Variants in DMRT1 observed in about 807,000 individuals in gnomAD.
The protein encoded by DMRT1 is doublesex- and mab-3-related transcription factor 1.
Under a neutral mutation model 32.3 loss-of-function variants are expected in DMRT1, and 7 were observed. The ratio of observed to expected loss-of-function variants is 0.22; its 90% CI spans 0.12 to 0.41. The LOEUF is 0.41. Among genes scored for constraint, DMRT1 ranks in the 10% least tolerant of loss-of-function variants. DMRT1 has a pLI of 1.00. For missense variants in DMRT1, 625 were observed against 500.5 expected (o/e 1.25, Z -2.37); for synonymous variants, 278 against 206.1 (o/e 1.35, Z -2.99).
At chr9:892,091 C>T (rs954456455) in intron 2 of DMRT1, among the ~76,000 whole-genome samples, 12 of 152,114 alleles carry the variant, frequency 7.9e-5, no homozygotes, top group Non-Finnish European at 1.8e-4. Context: ...TGCATCTGCT[C>T]CTTTCATCAT....
intron 4 of DMRT1, among the ~76,000 whole-genome samples, chr9:944,884 C>A (rs1819192542): frequency 6.6e-6 from 1 of 151,962 alleles, no homozygotes; most frequent in Non-Finnish European, 1.5e-5. Flanking sequence ...TTGGAAAGCA[C>A]ATGACCACCT....
intron 2 of DMRT1, among the ~76,000 whole-genome samples, chr9:856,595 A>G (rs891468067): frequency 6.6e-6 from 1 of 152,212 alleles, no homozygotes; most frequent in Non-Finnish European, 1.5e-5. Flanking sequence ...TATTAGTAAT[A>G]TTTCATCATA....
intron 4 of DMRT1, among the ~76,000 whole-genome samples, chr9:919,241 T>A (rs1393068119): frequency 2.0e-5 from 3 of 152,236 alleles, no homozygotes; most frequent in Admixed American, 6.5e-5. Flanking sequence ...GTAGGTTTAA[T>A]GTCTTCTTTA....
chr9:871,421 G>T (rs1354971131), intron 2 of DMRT1, among the ~76,000 whole-genome samples: 1 of 146,844 alleles, frequency 6.8e-6, no homozygotes, highest in African/African-American at 2.5e-5. Context: ...CAAGCTCCGC[G>T]TCCCGGGTTC....
rs1354117488 is a variant in DMRT1, at chr9:969,022, G to C, written c.*883G>C. On this transcript the variant is annotated 3_prime_UTR_variant, in exon 5 of 5. Coordinates refer to ENST00000382276, the MANE Select transcript of DMRT1 (RefSeq NM_021951.3). ...CAGAAGCCATCCTGAAATGAAACTAGTCTAAAAAAATTCATTGTTCTACTT... is the reference window on the plus strand; with the variant it reads ...CAGAAGCCATCCTGAAATGAAACTACTCTAAAAAAATTCATTGTTCTACTT... 2.0e-5 allele frequency: 3 copies of C among 152,612 alleles called. No individual in the cohort carries two copies. Among genetic ancestry groups the C allele is most frequent in the Non-Finnish European group, 2.9e-5 (2 of 68,026 alleles). 9.5% of individuals were successfully genotyped at this position (152,612 alleles called of 1,614,324 possible).
At chr9:950,208 C>G (rs1381387540) in intron 4 of DMRT1, among the ~76,000 whole-genome samples, 11 of 152,088 alleles carry the variant, frequency 7.2e-5, no homozygotes, top group Non-Finnish European at 1.6e-4. Context: ...ACCTGCAACT[C>G]AGTTGATGCC....
At chr9:872,064 C>G (rs573476890) in intron 2 of DMRT1, among the ~76,000 whole-genome samples, 1 of 151,272 alleles carries the variant, frequency 6.6e-6, no homozygotes, top group Non-Finnish European at 1.5e-5. Flanking sequence ...CCATAAAACT[C>G]ACCATCTTTT....
At chr9:961,607 C>T (rs1819775359) in intron 4 of DMRT1, among the ~76,000 whole-genome samples, 1 of 152,196 alleles carries the variant, frequency 6.6e-6, no homozygotes, top group Non-Finnish European at 1.5e-5. Flanking sequence ...CTGATGTTAA[C>T]AAAGGCCGTT....
intron 2 of DMRT1, among the ~76,000 whole-genome samples, chr9:854,772 CTT>C (rs566337598): frequency 2.0e-5 from 2 of 100,468 alleles, no homozygotes; most frequent in African/African-American, 7.5e-5. Context: ...AACAAAACTC[CTT>C]TTTTTTTTTG....
intron 3 of DMRT1, among the ~76,000 whole-genome samples, chr9:914,226 G>C (rs899614324): frequency 7.9e-5 from 12 of 152,268 alleles, no homozygotes; most frequent in Non-Finnish European, 1.2e-4. Flanking sequence ...GGGGTAGCCA[G>C]TTTTTCCTTT....
At chr9:945,358 G>A (rs1441117884) in intron 4 of DMRT1, among the ~76,000 whole-genome samples, 4 of 152,150 alleles carry the variant, frequency 2.6e-5, no homozygotes, top group African/African-American at 9.7e-5. Flanking sequence ...GTTTCACCAT[G>A]GTGGCCAGGC....
intron 2 of DMRT1, among the ~76,000 whole-genome samples, chr9:890,921 G>C (rs1293903003): frequency 6.6e-6 from 1 of 151,722 alleles, no homozygotes; most frequent in African/African-American, 2.4e-5. Flanking sequence ...GTGGAGACGG[G>C]GTTTCACCAT....
chr9:854,924 C>G (rs1256451172), intron 2 of DMRT1, among the ~76,000 whole-genome samples: 2 of 150,272 alleles, frequency 1.3e-5, no homozygotes, highest in Non-Finnish European at 3.0e-5. Flanking sequence ...CGCCGCCACG[C>G]CAGGCTAATT....
At chr9:937,544 G>T (rs1053882887) in intron 4 of DMRT1, among the ~76,000 whole-genome samples, 3 of 152,116 alleles carry the variant, frequency 2.0e-5, no homozygotes, top group African/African-American at 7.2e-5. Flanking sequence ...CCTTCCTAAT[G>T]GGTGTAAAGT....
chr9:917,666 A>G (rs1285251749), intron 4 of DMRT1, among the ~76,000 whole-genome samples: 1 of 152,198 alleles, frequency 6.6e-6, no homozygotes, highest in Non-Finnish European at 1.5e-5. Flanking sequence ...ATCTAGAAGA[A>G]TTTACTCTGT....
At chr9:905,800 A>G (rs1316056298) in intron 3 of DMRT1, among the ~76,000 whole-genome samples, 1 of 151,946 alleles carries the variant, frequency 6.6e-6, no homozygotes, top group East Asian at 1.9e-4. Flanking sequence ...CCTTTTGTGG[A>G]TGAGGAAACT....
intron 4 of DMRT1, among the ~76,000 whole-genome samples, chr9:953,726 A>G (rs1463810087): frequency 6.6e-6 from 1 of 152,190 alleles, no homozygotes; most frequent in Non-Finnish European, 1.5e-5. Context: ...CATTCTTTCC[A>G]TGCATACTTA....
At chr9:935,225 C>T (rs1564262078) in intron 4 of DMRT1, among the ~76,000 whole-genome samples, 1 of 152,110 alleles carries the variant, frequency 6.6e-6, no homozygotes, top group Non-Finnish European at 1.5e-5. Context: ...TGGTAAGTTC[C>T]AGTGGAAAAG....
chr9:890,669 C>T (rs1020511268), intron 2 of DMRT1, among the ~76,000 whole-genome samples: 1 of 152,082 alleles, frequency 6.6e-6, no homozygotes, highest in African/African-American at 2.4e-5. Context: ...CTCTCATGAG[C>T]CAATTCTGTC....
Sources: gnomAD v4.1 joint callset for allele counts (sites outside exome capture counted in the v4.1 genomes callset) on GRCh38, gnomAD v4.1.1 for gene constraint, MANE v1.5 for transcripts, NCBI Gene and HGNC (gene_info 2026-07-23, HGNC 2026-07-21) for gene names.